Variants in RAPGEF6 observed in about 807,000 individuals in gnomAD.
RAPGEF6 encodes the protein PDZ domain containing guanine nucleotide exchange factor (GEF) 2.
RAPGEF6 carries 56 observed loss-of-function variants against 171.4 expected under a neutral mutation model. The observed-to-expected ratio is 0.33, with a 90% CI of 0.26 to 0.41. The LOEUF (loss-of-function observed/expected upper bound fraction) is 0.41, where lower values mean the gene tolerates loss of function less well. Ranked by LOEUF, RAPGEF6 falls within the 10% of genes least tolerant of loss-of-function variation. RAPGEF6 has a pLI of 1.00. For synonymous variants in RAPGEF6, 692 were observed against 650.1 expected (o/e 1.06, Z -0.98); for missense variants, 1,674 against 1,921.4 (o/e 0.87, Z 2.41).
At chr5:131,634,873 G>A in intron 1 of RAPGEF6, 89 bp downstream of exon 1, 2 of 1,439,480 alleles carry the variant, frequency 1.4e-6, no homozygotes, top group Middle Eastern at 1.7e-4. Context: ...CGAGACTCTG[G>A]CAAGAGGGCA....
chr5:131,542,299 C>G (rs1760203837), intron 6 of RAPGEF6, among the ~76,000 whole-genome samples: 1 of 152,112 alleles, frequency 6.6e-6, no homozygotes, highest in Admixed American at 6.5e-5. Context: ...ACAACAACAG[C>G]AATAGGATGC....
Position 131,489,527 on chromosome 5 carries a change from T to C in RAPGEF6, c.1840+19A>G. 1.4e-6 allele frequency: 2 copies of C among 1,455,444 alleles called. No individual in the cohort carries two copies. The highest frequency in any genetic ancestry group is 1.9e-6 in the Non-Finnish European group (2 of 1,057,768). 90.2% of individuals were successfully genotyped at this position (1,455,444 alleles called of 1,614,324 possible). ...AATTAAGAAGAAAGAGTTCAGGCAA[T>C]TTTTACAACAAAACTCACCAAAAAT... On this transcript the variant is annotated intron_variant, in intron 15 of 27. Coordinates refer to ENST00000509018, the MANE Select transcript of RAPGEF6 (RefSeq NM_016340.6).
intron 5 of RAPGEF6, among the ~76,000 whole-genome samples, chr5:131,555,963 C>T (rs1442940245): frequency 2.0e-5 from 3 of 152,100 alleles, no homozygotes; most frequent in Non-Finnish European, 2.9e-5. Flanking sequence ...TCGTAAGCTA[C>T]CAACCTGTAA....
chr5:131,533,627 A>G (rs1452889225), intron 6 of RAPGEF6, among the ~76,000 whole-genome samples: 9 of 152,174 alleles, frequency 5.9e-5, no homozygotes, highest in African/African-American at 1.9e-4. Flanking sequence ...GTAAATTTAA[A>G]TGGAAACAAT....
intron 22 of RAPGEF6, among the ~76,000 whole-genome samples, chr5:131,443,780 C>G (rs1373445155): frequency 1.3e-5 from 2 of 152,180 alleles, no homozygotes; most frequent in Admixed American, 6.5e-5. Context: ...AAGGACTATG[C>G]ATTTTGTTCG....
intron 1 of RAPGEF6, among the ~76,000 whole-genome samples, chr5:131,616,522 A>T (rs746491538): frequency 6.6e-6 from 1 of 152,196 alleles, no homozygotes; most frequent in Non-Finnish European, 1.5e-5. Context: ...TAGAAAATCA[A>T]CCAAAACTTG....
At chr5:131,559,219 C>T (rs6885375) in intron 5 of RAPGEF6, among the ~76,000 whole-genome samples, 1,649 of 152,096 alleles carry the variant, frequency 0.011, 39 homozygotes, top group African/African-American at 0.037. Flanking sequence ...ATCCCAGCTA[C>T]CTGGGAGGCT....
chr5:131,489,786 CTG>C (rs1483444391), intron 14 of RAPGEF6, 132 bp from the exon 15 acceptor site: 3 of 479,986 alleles, frequency 6.3e-6, no homozygotes, highest in Non-Finnish European at 1.1e-5. Context: ...ACAGTTATCT[CTG>C]TGAGAAGCTG....
intron 19 of RAPGEF6, 31 bp downstream of exon 19, chr5:131,461,674 C>T: frequency 2.6e-6 from 4 of 1,550,042 alleles, no homozygotes; most frequent in African/African-American, 1.4e-5. Flanking sequence ...CAAAACCATA[C>T]AGACATTTGT....
chr5:131,521,895 TC>T, intron 6 of RAPGEF6, among the ~76,000 whole-genome samples: 1 of 110,580 alleles, frequency 9.0e-6, no homozygotes, highest in Non-Finnish European at 1.9e-5. Context: ...ACACACACTC[TC>T]TCTCTCTCTC....
At chr5:131,605,729 T>A (rs1764517055) in intron 1 of RAPGEF6, among the ~76,000 whole-genome samples, 1 of 151,598 alleles carries the variant, frequency 6.6e-6, no homozygotes, top group South Asian at 2.1e-4. Context: ...CACGGAGCCA[T>A]TAAGAAAAGC....
In RAPGEF6 at chr5:131,431,117, C is replaced by A; in HGVS notation, c.4207G>T (p.Val1403Phe). The A allele has an allele frequency of 6.2e-7, 1 of 1,614,190 alleles. No homozygotes were observed. Among genetic ancestry groups the A allele is most frequent in the Non-Finnish European group, 8.5e-7 (1 of 1,180,044 alleles). Residue 1403 changes from valine to phenylalanine, a missense_variant, in exon 26 of 28, where the codon GTT becomes TTT. Transcript: ENST00000509018. ...HTHLDDPIAE[V>F]EPTDSEPYSC... ...TAGGGCTCAGAGTCAGTGGGTTCAACTTCAGCAATGGGGTCATCCAAATGG... is the reference window on the plus strand; with the variant it reads ...TAGGGCTCAGAGTCAGTGGGTTCAAATTCAGCAATGGGGTCATCCAAATGG...
chr5:131,558,224 T>C (rs1329962735), intron 5 of RAPGEF6, among the ~76,000 whole-genome samples: 1 of 151,826 alleles, frequency 6.6e-6, no homozygotes, highest in Non-Finnish European at 1.5e-5. Flanking sequence ...TTTGGTTTTT[T>C]TTTTTTTTTT....
At chr5:131,611,017 A>G (rs930939491) in intron 1 of RAPGEF6, among the ~76,000 whole-genome samples, 4 of 152,194 alleles carry the variant, frequency 2.6e-5, no homozygotes, top group African/African-American at 9.6e-5. Flanking sequence ...CCTGGTAAAA[A>G]TACTAAGGAA....
chr5:131,488,475 A>G (rs1490095711), intron 15 of RAPGEF6, among the ~76,000 whole-genome samples: 1 of 152,174 alleles, frequency 6.6e-6, no homozygotes, highest in African/African-American at 2.4e-5. Flanking sequence ...CATTTAACCT[A>G]AAAGTTGGCA....
chr5:131,431,083 G>A lies in RAPGEF6; in HGVS notation c.4241C>T (p.Ser1414Phe). Residue 1414 changes from serine (S) to phenylalanine (F), a missense_variant, in exon 26 of 28, where the codon TCT (serine) becomes TTT (phenylalanine). Transcript: ENST00000509018. ...EPTDSEPYSC[S>F]KSCSRTCGQC... ...CCCACAAGTTCTAGAGCAGCTTTTA[G>A]AACAGGAATAGGGCTCAGAGTCAGT... 1.2e-6 allele frequency: 2 copies of A among 1,614,164 alleles called. No individual in the cohort carries two copies. The highest frequency in any genetic ancestry group is 1.7e-6 in the Non-Finnish European group (2 of 1,180,022).
chr5:131,466,840 T>C (rs1007498188), intron 17 of RAPGEF6, among the ~76,000 whole-genome samples: 1 of 152,212 alleles, frequency 6.6e-6, no homozygotes, highest in Non-Finnish European at 1.5e-5. Context: ...TGCAAACAAA[T>C]GGAAATTTCA....
At position 131,505,529 on chromosome 5, in the gene RAPGEF6, A is replaced by AG. The variant is rs1465991531; in HGVS notation, c.943-8dup. ...TAACATACCATGAGTCAAGCTATAG[A>AG]GAAAAACAAAGGTTTTATGAATCTT... On this transcript the variant is annotated splice_region_variant and splice_polypyrimidine_tract_variant and intron_variant, in intron 9 of 27. Transcript: ENST00000509018. The AG allele has an allele frequency of 3.1e-5, 50 of 1,606,568 alleles. No homozygotes were observed. Among genetic ancestry groups the AG allele is most frequent in the Non-Finnish European group, 4.1e-5 (48 of 1,176,504 alleles).
intron 22 of RAPGEF6, among the ~76,000 whole-genome samples, chr5:131,445,860 C>A (rs1260459933): frequency 6.6e-6 from 1 of 152,054 alleles, no homozygotes; most frequent in Non-Finnish European, 1.5e-5. Flanking sequence ...TTAAGATGTA[C>A]AATTATTTTG....
Sources: gnomAD v4.1 joint callset for allele counts (sites outside exome capture counted in the v4.1 genomes callset) on GRCh38, gnomAD v4.1.1 for gene constraint, MANE v1.5 for transcripts, NCBI Gene and HGNC (gene_info 2026-07-23, HGNC 2026-07-21) for gene names.